Variants in ATP2C1 observed in about 807,000 individuals in gnomAD.
ATP2C1 encodes the protein calcium-transporting ATPase type 2C member 1.
Under a neutral mutation model 120.5 loss-of-function variants are expected in ATP2C1, and 31 were observed. The observed-to-expected ratio is 0.26, with a 90% confidence interval of 0.19 to 0.35. The LOEUF (loss-of-function observed/expected upper bound fraction) is 0.35, where lower values mean the gene tolerates loss of function less well. ATP2C1 is among the 10% of genes least tolerant of loss of function. The pLI, the probability that ATP2C1 is intolerant of heterozygous loss-of-function variation, is 1.00. For synonymous variants in ATP2C1, 351 were observed against 358.7 expected (o/e 0.98, Z 0.24); for missense variants, 731 against 1,107.5 (o/e 0.66, Z 4.83).
chr3:130,875,195 C>T (rs966836919), intron 1 of ATP2C1, among the ~76,000 whole-genome samples: 2 of 152,126 alleles, frequency 1.3e-5, no homozygotes, highest in African/African-American at 4.8e-5. Context: ...CTATACTCAT[C>T]CCACAGTGCT....
upstream of ATP2C1, among the ~76,000 whole-genome samples, chr3:130,890,317 T>G (rs915593591): frequency 6.6e-6 from 1 of 152,206 alleles, no homozygotes; most frequent in Non-Finnish European, 1.5e-5. Context: ...TCACACTCAC[T>G]TTGCTCTTAC....
chr3:130,935,169 A>G (rs563835705), intron 5 of ATP2C1, among the ~76,000 whole-genome samples: 59 of 152,328 alleles, frequency 3.9e-4, no homozygotes, highest in African/African-American at 1.2e-3. Flanking sequence ...AGTAATTTTG[A>G]GTAATGTTCA....
intron 1 of ATP2C1, among the ~76,000 whole-genome samples, chr3:130,874,581 A>G (rs900389257): frequency 1.3e-5 from 2 of 152,232 alleles, no homozygotes; most frequent in African/African-American, 4.8e-5. Flanking sequence ...TTCTGATTGT[A>G]TGTAACAGAA....
At chr3:130,919,200 G>A (rs992965685) in intron 2 of ATP2C1, 77 of 172,766 alleles carry the variant, frequency 4.5e-4, no homozygotes, top group Non-Finnish European at 7.0e-4. Context: ...GTCCGAGATC[G>A]CTAGAATTTT....
At chr3:130,933,997 T>G (rs183917844) in intron 4 of ATP2C1, among the ~76,000 whole-genome samples, 22 of 152,300 alleles carry the variant, frequency 1.4e-4, no homozygotes, top group African/African-American at 5.3e-4. Flanking sequence ...GAATAGAATG[T>G]CCAACTGGAA....
intron 1 of ATP2C1, among the ~76,000 whole-genome samples, chr3:130,885,815 A>G (rs565091549): frequency 5.3e-4 from 81 of 152,228 alleles, no homozygotes; most frequent in African/African-American, 1.9e-3. Flanking sequence ...CTGATTTTCT[A>G]TGTGCTTACT....
At chr3:130,931,995 A>G (rs1464181416) in intron 3 of ATP2C1, 27 bp from the exon 4 acceptor site, 4 of 1,402,442 alleles carry the variant, frequency 2.9e-6, no homozygotes, top group South Asian at 1.2e-5. Flanking sequence ...AACATTTTCA[A>G]TAACTTTCAT....
chr3:130,918,185 C>T (rs1054480174), intron 2 of ATP2C1: 22 of 1,111,986 alleles, frequency 2.0e-5, no homozygotes, highest in Admixed American at 1.5e-4. Context: ...TGAAGAGATT[C>T]TCAGTGTGTG....
rs1039631228 is a variant in ATP2C1 at position 130,997,471 on chromosome 3, C to A, written c.2244-135C>A. 17 of 785,904 alleles carry A rather than the reference C, an allele frequency of 2.2e-5. No homozygotes were observed. In the East Asian group the frequency reaches 4.0e-4, roughly 19 times the overall value. 48.7% of individuals were successfully genotyped at this position (785,904 alleles called of 1,614,324 possible). A position where few individuals can be genotyped will look rare whatever the true frequency, so the allele number is the denominator to read the frequency against. On this transcript the variant is annotated intron_variant, in intron 24 of 27. Transcript: ENST00000510168. ...TGGTTATTTTTGCGTAATCAGCCAG[C>A]GTTTTATGATGCAACATTTTGTTTC...
chr3:130,951,279 A>G (rs2060358982), intron 8 of ATP2C1, among the ~76,000 whole-genome samples: 1 of 152,166 alleles, frequency 6.6e-6, no homozygotes, highest in African/African-American at 2.4e-5. Flanking sequence ...AGGAATCTGG[A>G]GTTAAAGTCT....
At chr3:130,914,963 T>C (rs537443654) in intron 2 of ATP2C1, among the ~76,000 whole-genome samples, 7 of 152,326 alleles carry the variant, frequency 4.6e-5, no homozygotes, top group African/African-American at 1.7e-4. Context: ...GGGAAAGCAG[T>C]TGGATTGTTG....
chr3:130,889,353 T>C (rs968642213), upstream of ATP2C1, among the ~76,000 whole-genome samples: 4 of 152,228 alleles, frequency 2.6e-5, no homozygotes, highest in Admixed American at 2.6e-4. Context: ...TTCGAGGACC[T>C]AGTGTACAAT....
intron 1 of ATP2C1, among the ~76,000 whole-genome samples, chr3:130,875,968 GTTTT>G (rs199515476): frequency 6.7e-6 from 1 of 150,194 alleles, no homozygotes; most frequent in Non-Finnish European, 1.5e-5. Context: ...AAATATTTGA[GTTTT>G]TTTTGGAGTT....
At chr3:130,895,487 A>T (rs1386623690) in intron 2 of ATP2C1, among the ~76,000 whole-genome samples, 1 of 152,224 alleles carries the variant, frequency 6.6e-6, no homozygotes, top group Non-Finnish European at 1.5e-5. Context: ...AAATTGTTGA[A>T]CAACTGTGAA....
At chr3:130,998,526 T>C in intron 26 of ATP2C1, 137 bp downstream of exon 26, 1 of 706,156 alleles carries the variant, frequency 1.4e-6, no homozygotes, top group Non-Finnish European at 2.5e-6. Flanking sequence ...GACACAGCCT[T>C]CTTATAAACA....
At chr3:130,963,602 C>G (rs2060923586) in intron 12 of ATP2C1, 1 of 259,990 alleles carries the variant, frequency 3.8e-6, no homozygotes, top group African/African-American at 2.3e-5. Context: ...AATAGTGTTG[C>G]CGTGAACATT....
intron 2 of ATP2C1, among the ~76,000 whole-genome samples, chr3:130,906,209 C>A (rs887159724): frequency 6.6e-6 from 1 of 151,876 alleles, no homozygotes; most frequent in African/African-American, 2.4e-5. Context: ...CAGAAAGAAA[C>A]CCCTTACCCA....
rs2069352612 is a variant in ATP2C1, at chr3:130,894,131, C to T, written c.-387C>T. 2 of 862,908 alleles carry T rather than the reference C, an allele frequency of 2.3e-6. No individual in the cohort carries two copies. The highest frequency in any genetic ancestry group is 1.8e-5 in the African/African-American group (1 of 54,648). 53.5% of individuals were successfully genotyped at this position (862,908 alleles called of 1,614,324 possible). The stretch of plus-strand genomic sequence containing the variant: ...CCGGCCCGGCGGACCGTGACGGGTC[C>T]CCTCACCTCCTCTTCTCTCCCCTCC... On this transcript the variant is annotated 5_prime_UTR_variant, in exon 1 of 28. Transcript: ENST00000510168. The surrounding 1 kb of genome is among the most constrained non-coding windows in gnomAD (Gnocchi z 4.5).
intron 1 of ATP2C1, among the ~76,000 whole-genome samples, chr3:130,862,372 G>A (rs1032229730): frequency 6.7e-6 from 1 of 149,020 alleles, no homozygotes; most frequent in Non-Finnish European, 1.5e-5. Flanking sequence ...TAAGAGACAG[G>A]GTTTCAGCAT....
Sources: gnomAD v4.1 joint callset for allele counts (sites outside exome capture counted in the v4.1 genomes callset) on GRCh38, gnomAD v4.1.1 for gene constraint, Gnocchi (gnomAD v3.1) non-coding constraint, MANE v1.5 for transcripts, NCBI Gene and HGNC (gene_info 2026-07-23, HGNC 2026-07-21) for gene names.